RSPRY1: variants seen among roughly 807,000 people sequenced by gnomAD.
RSPRY1 encodes ring finger and SPRY domain containing 1.
In RSPRY1, 23 loss-of-function variants were observed where a neutral mutation model predicts 73.1. The ratio of observed to expected loss-of-function variants is 0.31; its 90% CI spans 0.23 to 0.45. RSPRY1 has a LOEUF of 0.45. Ranked by LOEUF, RSPRY1 falls within the 20% of genes least tolerant of loss-of-function variation. The pLI, the probability that RSPRY1 is intolerant of heterozygous loss-of-function variation, is 1.00. For synonymous variants in RSPRY1, 226 were observed against 251.4 expected, an observed-to-expected ratio of 0.90 and a Z score of 0.95; for missense variants, 448 against 698.7, an observed-to-expected ratio of 0.64 and a Z score of 4.05.
At chr16:57,205,539 C>T (rs1299617781) in intron 2 of RSPRY1, among the ~76,000 whole-genome samples, 1 of 152,202 alleles carries the variant, frequency 6.6e-6, no homozygotes, top group Non-Finnish European at 1.5e-5. Flanking sequence ...TACTGCAAGG[C>T]ACACCTGTAC....
intron 1 of RSPRY1, among the ~76,000 whole-genome samples, chr16:57,193,597 A>T (rs2074387922): frequency 6.6e-6 from 1 of 150,724 alleles, no homozygotes; most frequent in Non-Finnish European, 1.5e-5. Flanking sequence ...GATTCAAGTG[A>T]TCTTCCCACC....
rs2075282397 is a variant in RSPRY1 at position 57,235,161 on chromosome 16, C to T, written c.1567C>T (p.Arg523Ter). The change falls in exon 14 of 15, where the codon CGA becomes TGA. Residue 523 changes from arginine (R) to a stop codon, truncating the protein, a stop_gained. Coordinates refer to ENST00000394420, the MANE Select transcript of RSPRY1 (RefSeq NM_133368.3). LOFTEE classifies it high-confidence loss of function. ...RLALLKQVSI[R>*]ENCCSLCCDE... ...TGCTCTGTTGAAGCAAGTCAGTATC[C>T]GAGAAAACTGCTGTTCCCTTTGTTG... 6.2e-7 allele frequency: 1 copy of T among 1,614,098 alleles called. No individual in the cohort carries two copies. The highest frequency in any genetic ancestry group is 1.1e-5 in the South Asian group (1 of 91,080).
intron 5 of RSPRY1, 60 bp from the exon 6 acceptor site, chr16:57,213,828 C>T (rs1281513856): frequency 1.7e-6 from 2 of 1,180,392 alleles, no homozygotes; most frequent in African/African-American, 1.5e-5. Context: ...TTGATTGTTA[C>T]CAGTGATTTA....
chr16:57,235,281 C>G, intron 14 of RSPRY1, 53 bp downstream of exon 14: 1 of 1,281,002 alleles, frequency 7.8e-7, no homozygotes, highest in Non-Finnish European at 1.1e-6. Context: ...ATTGCTAGTT[C>G]CATGGCTGTT....
intron 1 of RSPRY1, among the ~76,000 whole-genome samples, chr16:57,196,729 T>C (rs545359713): frequency 4.6e-5 from 7 of 152,240 alleles, no homozygotes; most frequent in Non-Finnish European, 1.0e-4. Flanking sequence ...ATTCTTTACT[T>C]TTCTTAGTGC....
At chr16:57,234,704 C>G (rs2075276047) in intron 13 of RSPRY1, among the ~76,000 whole-genome samples, 1 of 152,200 alleles carries the variant, frequency 6.6e-6, no homozygotes, top group Non-Finnish European at 1.5e-5. Context: ...CTAAAATGAA[C>G]TGTTATAAAC....
intron 1 of RSPRY1, among the ~76,000 whole-genome samples, chr16:57,195,979 A>G (rs1378829298): frequency 2.0e-5 from 3 of 149,476 alleles, no homozygotes; most frequent in Middle Eastern, 3.2e-3. Flanking sequence ...CCGAGATCTC[A>G]CCACTGGACT....
At chr16:57,229,963 C>T (rs148567283) in intron 11 of RSPRY1, among the ~76,000 whole-genome samples, 5,372 of 148,502 alleles carry the variant, frequency 0.036, 106 homozygotes, top group Middle Eastern at 0.099. Context: ...CCTCGGCCTC[C>T]CAAAGTGCTG....
chr16:57,208,178 T>C, intron 3 of RSPRY1, 68 bp downstream of exon 3: 1 of 992,772 alleles, frequency 1.0e-6, no homozygotes, highest in Non-Finnish European at 1.5e-6. Flanking sequence ...AGCCACCTTT[T>C]GTTTTTTGTT....
In RSPRY1 at chr16:57,217,659, C is replaced by A. The variant is rs117168204; in HGVS notation, c.901+624C>A. Among the ~76,000 whole-genome samples, 840 of 152,270 alleles carry A rather than the reference C, an allele frequency of 5.5e-3. 5 individuals carry two copies. Among genetic ancestry groups the A allele is most frequent in the Non-Finnish European group, 9.4e-3 (640 of 68,028 alleles). Reference sequence around the variant, plus strand: ...GGTTAAGCATCCTTAATCAAAAAATCTGAAATCCTCCATTGAGCATTTCCT... The same window carrying A: ...GGTTAAGCATCCTTAATCAAAAAATATGAAATCCTCCATTGAGCATTTCCT... On this transcript the variant is annotated intron_variant, in intron 8 of 14. Coordinates refer to ENST00000394420, the MANE Select transcript of RSPRY1 (RefSeq NM_133368.3).
chr16:57,203,075 G>A (rs1465456804), intron 1 of RSPRY1, among the ~76,000 whole-genome samples: 1 of 152,002 alleles, frequency 6.6e-6, no homozygotes, highest in African/African-American at 2.4e-5. Flanking sequence ...GGAGGCCGAG[G>A]TGGGCAGATA....
At chr16:57,194,257 AG>A (rs768437855) in intron 1 of RSPRY1, among the ~76,000 whole-genome samples, 5 of 152,192 alleles carry the variant, frequency 3.3e-5, no homozygotes, top group Non-Finnish European at 4.4e-5. Context: ...ATAGCGATAA[AG>A]CAAGTTTAGT....
At chr16:57,237,635 A>G (rs973394159) in intron 14 of RSPRY1, among the ~76,000 whole-genome samples, 2 of 152,238 alleles carry the variant, frequency 1.3e-5, no homozygotes, top group Non-Finnish European at 2.9e-5. Context: ...TTCCATAACA[A>G]TACAAAAAAC....
At chr16:57,191,639 CAATTT>C (rs1397007133) in intron 1 of RSPRY1, among the ~76,000 whole-genome samples, 7 of 151,176 alleles carry the variant, frequency 4.6e-5, no homozygotes, top group Non-Finnish European at 7.4e-5. Context: ...TCATCTTTAT[CAATTT>C]AATTTATAGG....
chr16:57,204,360 C>T, intron 1 of RSPRY1, 144 bp from the exon 2 acceptor site: 1 of 294,612 alleles, frequency 3.4e-6, no homozygotes, highest in South Asian at 5.8e-5. Flanking sequence ...CCAAAGCTAT[C>T]TCTTTGTATT....
Position 57,196,710 on chromosome 16 carries a change from A to G in RSPRY1, c.-155-7794A>G, listed in dbSNP as rs143480956. 2.3e-3 allele frequency among the ~76,000 whole-genome samples: 351 copies of G among 152,342 alleles called. 1 individual carries two copies. The highest frequency in any genetic ancestry group is 8.1e-3 in the African/African-American group (337 of 41,570). On this transcript the variant is annotated intron_variant, in intron 1 of 14. Coordinates refer to ENST00000394420, the MANE Select transcript of RSPRY1 (RefSeq NM_133368.3). ...TTACTTCAGTACGGGGTAGTTCTGT[A>G]AAAGATAAATTCTTTACTTTTCTTA...
chr16:57,221,267 G>T lies in RSPRY1; in HGVS notation c.1018-5G>T, dbSNP rs2075030396. 4.3e-6 allele frequency: 7 copies of T among 1,609,940 alleles called. No individual in the cohort carries two copies. Among genetic ancestry groups the T allele is most frequent in the Admixed American group, 1.7e-5 (1 of 58,958 alleles). On this transcript the variant is annotated splice_polypyrimidine_tract_variant and splice_region_variant and intron_variant, in intron 9 of 14. Transcript: ENST00000394420. ...GTTGATTGACACATTTTTTGGTTTT[G>T]CCAGGCTCGCTGTGATGCCTCCTCT...
At chr16:57,217,082 A>T in intron 8 of RSPRY1, 47 bp downstream of exon 8, 1 of 1,608,462 alleles carries the variant, frequency 6.2e-7, no homozygotes, top group African/African-American at 1.3e-5. Flanking sequence ...CCATTTCCAG[A>T]CTCATTTCTT....
At chr16:57,223,214 G>A (rs1193056484) in intron 10 of RSPRY1, among the ~76,000 whole-genome samples, 5 of 152,032 alleles carry the variant, frequency 3.3e-5, no homozygotes. Context: ...ATTCAGACAG[G>A]GTGTGATTCT....
Sources: gnomAD v4.1 joint callset for allele counts (sites outside exome capture counted in the v4.1 genomes callset) on GRCh38, gnomAD v4.1.1 for gene constraint, MANE v1.5 for transcripts, NCBI Gene and HGNC (gene_info 2026-07-23, HGNC 2026-07-21) for gene names.